NT5DC3: variants seen among roughly 807,000 people sequenced by gnomAD.
The protein encoded by NT5DC3 is 5'-nucleotidase domain-containing protein 3.
NT5DC3 carries 42 observed loss-of-function variants against 67.8 expected under a neutral mutation model. The observed-to-expected ratio is 0.62, with a 90% CI of 0.48 to 0.80. The LOEUF is 0.80. NT5DC3 is among the 30% of genes least tolerant of loss of function. The pLI is 0.00. For synonymous variants in NT5DC3, 237 were observed against 255.6 expected (o/e 0.93, Z 0.69); for missense variants, 570 against 696.4 (o/e 0.82, Z 2.04).
At chr12:103,755,624 C>T in the NT5DC3 span, 5 of 1,613,998 alleles carry the variant, frequency 3.1e-6, no homozygotes, top group African/African-American at 6.7e-5. Context: ...GTGAACTGCA[C>T]CTGCAAGGTG....
chr12:103,785,808 C>T (rs1885747556), intron 11 of NT5DC3: 1 of 466,484 alleles, frequency 2.1e-6, no homozygotes, highest in Non-Finnish European at 4.0e-6. Context: ...AGGGGCTTGA[C>T]CTAAATGCTA....
downstream of NT5DC3, among the ~76,000 whole-genome samples, chr12:103,769,301 T>C (rs540577590): frequency 6.6e-6 from 1 of 152,316 alleles, no homozygotes; most frequent in South Asian, 2.1e-4. Flanking sequence ...TTTTGCACTG[T>C]AGCCTGTCAC....
At chr12:103,815,646 TCCTGGGCTCAAGCAACCC>T (rs1294493332) in intron 1 of NT5DC3, among the ~76,000 whole-genome samples, 1 of 152,090 alleles carries the variant, frequency 6.6e-6, no homozygotes, top group East Asian at 1.9e-4. Context: ...GGTCTCAAAC[TCCTGGGCTCAAGCAACCC>T]ACCCACCTCA....
intron 1 of NT5DC3, among the ~76,000 whole-genome samples, chr12:103,835,990 G>A (rs182098843): frequency 3.5e-4 from 53 of 152,172 alleles, no homozygotes; most frequent in African/African-American, 1.2e-3. Context: ...CAGCAAAAGC[G>A]GAAACCCCTG....
downstream of NT5DC3, among the ~76,000 whole-genome samples, chr12:103,771,955 A>G (rs1276679934): frequency 6.6e-6 from 1 of 152,214 alleles, no homozygotes; most frequent in East Asian, 1.9e-4. Flanking sequence ...CCACCATCAC[A>G]GGTACACAAA....
In NT5DC3 at chr12:103,793,166, C is replaced by T. The variant is rs2139340791; in HGVS notation, c.1017G>A (p.Arg339=). The change falls in exon 9 of 14, where the codon CGG becomes CGA. Residue 339 remains arginine (R), a splice_region_variant and synonymous_variant. Coordinates refer to ENST00000392876, the MANE Select transcript of NT5DC3 (RefSeq NM_001031701.3). ...CCCCTAGAAAAATAAACACTCACCT[C>T]CGCTTATCATTAAAGAAGTTTGGCT... ...AEKPNFFNDK[R]RPFRKMNEKG... The T allele has an allele frequency of 6.3e-7, 1 of 1,591,476 alleles. No individual in the cohort carries two copies. The highest frequency in any genetic ancestry group is 2.2e-5 in the East Asian group (1 of 44,686).
intron 4 of NT5DC3, among the ~76,000 whole-genome samples, chr12:103,804,811 G>A (rs1886727459): frequency 6.6e-6 from 1 of 152,220 alleles, no homozygotes; most frequent in African/African-American, 2.4e-5. Flanking sequence ...CAGCACTTTG[G>A]GAGACTGAGG....
chr12:103,754,412 CTT>C, the NT5DC3 span, among the ~76,000 whole-genome samples: 1 of 152,118 alleles, frequency 6.6e-6, no homozygotes, highest in South Asian at 2.1e-4. Context: ...AGTTACTTCT[CTT>C]TGCCTCAATT....
At chr12:103,821,725 T>C (rs1887499023) in intron 1 of NT5DC3, 1 of 152,236 alleles carries the variant, frequency 6.6e-6, no homozygotes, top group South Asian at 2.1e-4. Flanking sequence ...AAAAAGTTTA[T>C]TTTAAGAAAA....
At chr12:103,819,015 T>C (rs1250478301) in intron 1 of NT5DC3, among the ~76,000 whole-genome samples, 2 of 152,184 alleles carry the variant, frequency 1.3e-5, no homozygotes, top group South Asian at 4.1e-4. Flanking sequence ...TATTTAGAAA[T>C]GGTGTTGGCA....
At chr12:103,778,712 C>A (rs1051582684) in intron 13 of NT5DC3, among the ~76,000 whole-genome samples, 1 of 149,446 alleles carries the variant, frequency 6.7e-6, no homozygotes, top group Non-Finnish European at 1.5e-5. Context: ...AGGCTGAAGT[C>A]GGAGAATCAC....
At chr12:103,753,462 G>A in the NT5DC3 span, 2 of 1,459,218 alleles carry the variant, frequency 1.4e-6, no homozygotes, top group African/African-American at 1.4e-5. Context: ...GCAAGGGAGT[G>A]CAGGTAGCTC....
At chr12:103,827,120 A>T (rs1887730345) in intron 1 of NT5DC3, among the ~76,000 whole-genome samples, 1 of 152,076 alleles carries the variant, frequency 6.6e-6, no homozygotes, top group South Asian at 2.1e-4. Flanking sequence ...TAGAACACAC[A>T]TGTAATCCCA....
chr12:103,838,113 G>A (rs988287386), intron 1 of NT5DC3, among the ~76,000 whole-genome samples: 6 of 152,258 alleles, frequency 3.9e-5, no homozygotes, highest in East Asian at 1.9e-4. Context: ...AAGCAAAAGC[G>A]GAAACCCCTG....
intron 1 of NT5DC3, among the ~76,000 whole-genome samples, chr12:103,829,499 A>G (rs1421223416): frequency 6.6e-6 from 1 of 152,196 alleles, no homozygotes; most frequent in East Asian, 1.9e-4. Flanking sequence ...CCATTCTATT[A>G]ATCTCAACCT....
the NT5DC3 span, chr12:103,761,370 A>G: frequency 1.2e-6 from 2 of 1,613,916 alleles, no homozygotes; most frequent in South Asian, 1.1e-5. Flanking sequence ...GGGATCATTC[A>G]TGTCATTTCC....
the NT5DC3 span, chr12:103,763,493 C>T: frequency 6.2e-6 from 10 of 1,613,648 alleles, no homozygotes; most frequent in South Asian, 1.1e-5. Context: ...TCCAAACAGT[C>T]GGAAGAGGAC....
intron 6 of NT5DC3, among the ~76,000 whole-genome samples, chr12:103,795,671 TTAAA>T (rs1025735619): frequency 1.3e-5 from 2 of 151,778 alleles, no homozygotes; most frequent in Non-Finnish European, 2.9e-5. Flanking sequence ...AAAAATATAT[TTAAA>T]TAAACACATA....
Position 103,806,372 on chromosome 12 carries a change from T to C in NT5DC3, c.474A>G (p.Val158=). The part of the protein sequence containing the change: ...RGLHYDVQRA[V]LMKIDAFHYI... ...AATGAAAAGCATCGATCTTCATTAATACTGCCTTTAAAAACATAAACATAT... is the reference window on the plus strand; with the variant it reads ...AATGAAAAGCATCGATCTTCATTAACACTGCCTTTAAAAACATAAACATAT... The change falls in exon 4 of 14, where the codon GTA becomes GTG. Residue 158 remains valine, a synonymous_variant. Transcript: ENST00000392876. The C allele has an allele frequency of 6.2e-7, 1 of 1,600,596 alleles. No homozygotes were observed. The highest frequency in any genetic ancestry group is 8.6e-7 in the Non-Finnish European group (1 of 1,167,732).
Sources: gnomAD v4.1 joint callset for allele counts (sites outside exome capture counted in the v4.1 genomes callset) on GRCh38, gnomAD v4.1.1 for gene constraint, MANE v1.5 for transcripts, NCBI Gene and HGNC (gene_info 2026-07-23, HGNC 2026-07-21) for gene names.